The following SEMA5A variants were observed in gnomAD, a reference collection of about 807,000 sequenced individuals.
SEMA5A encodes the protein semaphorin-5A.
Under a neutral mutation model 135.5 loss-of-function variants are expected in SEMA5A, and 55 were observed. The observed-to-expected ratio is 0.41, with a 90% confidence interval of 0.33 to 0.51. The LOEUF is 0.51. Among genes scored for constraint, SEMA5A ranks in the 20% least tolerant of loss-of-function variants. The probability of loss-of-function intolerance (pLI) is 0.37; values close to 1 mark genes in which losing one functional copy is unlikely to be tolerated. For missense variants in SEMA5A, 1,290 were observed against 1,419.9 expected (o/e 0.91, Z 1.47); for synonymous variants, 580 against 546.5 (o/e 1.06, Z -0.85).
chr5:9,432,406 G>C (rs779891358), intron 2 of SEMA5A, among the ~76,000 whole-genome samples: 11 of 152,120 alleles, frequency 7.2e-5, no homozygotes, highest in Non-Finnish European at 1.2e-4. Flanking sequence ...ATTCCTTTCA[G>C]GAACGTGGCA....
intron 5 of SEMA5A, among the ~76,000 whole-genome samples, chr5:9,272,383 C>T (rs1750023092): frequency 6.6e-6 from 1 of 152,104 alleles, no homozygotes; most frequent in Non-Finnish European, 1.5e-5. Context: ...TAGATAAAAC[C>T]CCCACCTCCC....
intron 1 of SEMA5A, among the ~76,000 whole-genome samples, chr5:9,494,359 T>G (rs1451936375): frequency 6.6e-6 from 1 of 152,212 alleles, no homozygotes; most frequent in Non-Finnish European, 1.5e-5. Flanking sequence ...GTGATGGACA[T>G]AGATCTCCTT....
rs544109956 is a variant in SEMA5A at position 9,259,609 on chromosome 5, G to C, written c.271-21719C>G. On this transcript the variant is annotated intron_variant, in intron 5 of 22. Coordinates refer to ENST00000382496, the MANE Select transcript of SEMA5A (RefSeq NM_003966.3). ...CTGAGTTCAATTCCTGGGTATCCTTGTTGACTTTCTGTCTCCCTGCTCCTG... is the reference window on the plus strand; with the variant it reads ...CTGAGTTCAATTCCTGGGTATCCTTCTTGACTTTCTGTCTCCCTGCTCCTG... 2.9e-3 allele frequency among the ~76,000 whole-genome samples: 448 copies of C among 152,178 alleles called. 2 individuals carry two copies. The highest frequency in any genetic ancestry group is 5.0e-3 in the Admixed American group (77 of 15,284).
chr5:9,159,045 C>T (rs1743108255), intron 11 of SEMA5A, among the ~76,000 whole-genome samples: 1 of 152,060 alleles, frequency 6.6e-6, no homozygotes, highest in Non-Finnish European at 1.5e-5. Context: ...AGTGTGCAGC[C>T]TGTATTTATA....
intron 1 of SEMA5A, among the ~76,000 whole-genome samples, chr5:9,543,588 A>C (rs1054346865): frequency 1.3e-5 from 2 of 152,228 alleles, no homozygotes; most frequent in Non-Finnish European, 2.9e-5. Context: ...CAAAAGACAT[A>C]AAATGATTAG....
intron 12 of SEMA5A, among the ~76,000 whole-genome samples, chr5:9,140,506 T>A (rs1742006507): frequency 6.6e-6 from 1 of 152,310 alleles, no homozygotes; most frequent in East Asian, 1.9e-4. Context: ...GTGCAACTCA[T>A]GAGACAGACC....
chr5:9,064,988 T>A (rs965207167), intron 17 of SEMA5A, among the ~76,000 whole-genome samples: 1 of 152,244 alleles, frequency 6.6e-6, no homozygotes, highest in Non-Finnish European at 1.5e-5. Flanking sequence ...TACCTTCTCT[T>A]CTAAATACAG....
At chr5:9,094,280 G>A (rs953698421) in intron 16 of SEMA5A, among the ~76,000 whole-genome samples, 1 of 146,786 alleles carries the variant, frequency 6.8e-6, no homozygotes, top group African/African-American at 2.6e-5. Context: ...TGAAGTCATT[G>A]AGAATTTTCT....
intron 5 of SEMA5A, among the ~76,000 whole-genome samples, chr5:9,245,928 T>C (rs1748457181): frequency 6.6e-6 from 1 of 152,152 alleles, no homozygotes; most frequent in African/African-American, 2.4e-5. Context: ...TGAGTTCCAA[T>C]GACCCTACTC....
intron 4 of SEMA5A, among the ~76,000 whole-genome samples, chr5:9,329,566 A>G (rs1342820867): frequency 2.6e-5 from 4 of 152,350 alleles, no homozygotes; most frequent in Admixed American, 6.5e-5. Context: ...AGAGTCTTGA[A>G]AGAAGAACTA....
rs186007095 is a variant in SEMA5A at position 9,102,741 on chromosome 5, C to T, written c.2073+5399G>A. ...ATTAAAATTTATACGAAAATATTTACAATAAGCAGTGGTTTGTAGAAAAAT... is the reference window on the plus strand; with the variant it reads ...ATTAAAATTTATACGAAAATATTTATAATAAGCAGTGGTTTGTAGAAAAAT... On this transcript the variant is annotated intron_variant, in intron 16 of 22. Transcript: ENST00000382496. Among the ~76,000 whole-genome samples, 50 of 152,162 alleles carry T rather than the reference C, an allele frequency of 3.3e-4. No individual in the cohort carries two copies. In the Middle Eastern group the frequency reaches 0.014, roughly 41 times the overall value.
At chr5:9,177,358 C>A (rs146798972) in intron 11 of SEMA5A, among the ~76,000 whole-genome samples, 1 of 152,234 alleles carries the variant, frequency 6.6e-6, no homozygotes, top group Non-Finnish European at 1.5e-5. Flanking sequence ...TTCAGATGTT[C>A]TTCTAATTGC....
intron 10 of SEMA5A, among the ~76,000 whole-genome samples, chr5:9,195,580 C>T (rs1284986407): frequency 6.6e-6 from 1 of 152,138 alleles, no homozygotes; most frequent in Middle Eastern, 3.2e-3. Context: ...CCCTTTCCCC[C>T]TTTGTTGATG....
chr5:9,189,590 T>C (rs1292467598), intron 11 of SEMA5A, among the ~76,000 whole-genome samples: 1 of 152,078 alleles, frequency 6.6e-6, no homozygotes, highest in Non-Finnish European at 1.5e-5. Flanking sequence ...TGGCTCTGTA[T>C]GGGAATCTGA....
At chr5:9,472,145 G>T (rs968335111) in intron 1 of SEMA5A, among the ~76,000 whole-genome samples, 1 of 152,154 alleles carries the variant, frequency 6.6e-6, no homozygotes, top group Non-Finnish European at 1.5e-5. Context: ...TTGACTCATT[G>T]CTTCTATCTC....
chr5:9,154,276 G>A (rs569852131), intron 12 of SEMA5A, among the ~76,000 whole-genome samples: 210 of 151,490 alleles, frequency 1.4e-3, no homozygotes, highest in African/African-American at 4.9e-3. Flanking sequence ...GTATTATAAC[G>A]TGGCTCCTCC....
intron 1 of SEMA5A, among the ~76,000 whole-genome samples, chr5:9,494,178 T>G (rs1049781929): frequency 6.6e-6 from 1 of 152,116 alleles, no homozygotes; most frequent in Admixed American, 6.6e-5. Flanking sequence ...TAAATAAAAT[T>G]TAAGATGTAA....
rs550746578 is a variant in SEMA5A, at chr5:9,183,254, C to T, written c.1273+7013G>A. ...TCTGCTTGGCTACATGAGAAGCCTG[C>T]CCTTGGACAGCCGCCTGGAGGTGAA... On this transcript the variant is annotated intron_variant, in intron 11 of 22. Transcript: ENST00000382496. Among the ~76,000 whole-genome samples the T allele has an allele frequency of 2.0e-5, 3 of 152,258 alleles. No homozygotes were observed. In the South Asian group the frequency reaches 6.2e-4, roughly 32 times the overall value.
Position 9,382,023 on chromosome 5 carries a change from T to C in SEMA5A, c.-77-2000A>G, listed in dbSNP as rs1755642742. On this transcript the variant is annotated intron_variant, in intron 2 of 22. Coordinates refer to ENST00000382496, the MANE Select transcript of SEMA5A (RefSeq NM_003966.3). ...CAAGTTTCAGACACGTGGCCAGGCA[T>C]GGTGGCTCATGCCTGTAATCCTAGC... is the stretch of plus-strand genomic sequence containing the variant. Among the ~76,000 whole-genome samples, 3 of 149,092 alleles carry C rather than the reference T, an allele frequency of 2.0e-5. No homozygotes were observed. In the South Asian group the frequency reaches 6.5e-4, roughly 33 times the overall value.
Sources: allele counts gnomAD v4.1 joint callset (sites outside exome capture counted in the v4.1 genomes callset), GRCh38; gene constraint gnomAD v4.1.1; transcripts MANE v1.5; gene names NCBI Gene and HGNC (gene_info 2026-07-23, HGNC 2026-07-21).